CRPPA: variants seen among roughly 807,000 people sequenced by gnomAD.
The protein encoded by CRPPA is CDP-L-ribitol pyrophosphorylase A.
A neutral mutation model predicts 52.0 loss-of-function variants in CRPPA; 43 were observed. That is an observed-to-expected ratio of 0.83 (90% CI 0.65 to 1.07). CRPPA has a LOEUF of 1.07. Among genes scored for constraint, CRPPA ranks in the 50% least tolerant of loss-of-function variants. CRPPA has a pLI of 0.00. For missense variants in CRPPA, 629 were observed against 551.7 expected (o/e 1.14, Z -1.40); for synonymous variants, 250 against 203.5 (o/e 1.23, Z -1.94).
At chr7:16,140,383 T>C (rs1782847012) in intron 9 of CRPPA, among the ~76,000 whole-genome samples, 1 of 152,128 alleles carries the variant, frequency 6.6e-6, no homozygotes, top group East Asian at 1.9e-4. Context: ...CAGGCTGGTC[T>C]CAAACTCCTA....
chr7:16,120,992 TAAGAA>T (rs1274446042), intron 9 of CRPPA, among the ~76,000 whole-genome samples: 3 of 151,692 alleles, frequency 2.0e-5, no homozygotes, highest in African/African-American at 7.3e-5. Context: ...TCACTGATCT[TAAGAA>T]AAAAATGTAC....
At chr7:16,321,136 A>G (rs1049227427) in intron 3 of CRPPA, among the ~76,000 whole-genome samples, 1 of 152,128 alleles carries the variant, frequency 6.6e-6, no homozygotes, top group Non-Finnish European at 1.5e-5. Context: ...ACCCATATCT[A>G]TCAAACACTG....
rs56908194 is a variant in CRPPA, at chr7:16,254,792, G to GGAAAGAAAGAAAGAAAGAAA, written c.1119+3578_1119+3597dup. 4.9e-5 allele frequency among the ~76,000 whole-genome samples: 5 copies of GGAAAGAAAGAAAGAAAGAAA among 101,758 alleles called. No individual in the cohort carries two copies. The East Asian group carries it at 9.2e-4, about 19-fold the overall frequency. 66.8% of individuals were successfully genotyped at this position (101,758 alleles called of 152,430 possible). ...CACACAGAAAGAAAGAAAGAAAGAA[G>GGAAAGAAAGAAAGAAAGAAA]GAAAGAAAGAAAGAAAGAAAGAAAG... On this transcript the variant is annotated intron_variant, in intron 8 of 9. Transcript: ENST00000407010.
intron 3 of CRPPA, among the ~76,000 whole-genome samples, chr7:16,333,724 G>C (rs951387984): frequency 1.3e-4 from 20 of 152,264 alleles, no homozygotes; most frequent in African/African-American, 4.8e-4. Flanking sequence ...CAAGATGGCT[G>C]ATTAGAATTT....
intron 2 of CRPPA, among the ~76,000 whole-genome samples, chr7:16,403,149 C>G (rs1244590159): frequency 2.0e-5 from 3 of 151,964 alleles, no homozygotes; most frequent in African/African-American, 7.3e-5. Context: ...GGGAAAAAAA[C>G]AGTTGTAGAC....
intron 9 of CRPPA, among the ~76,000 whole-genome samples, chr7:16,186,690 A>G (rs1781510540): frequency 6.6e-6 from 1 of 152,234 alleles, no homozygotes. Context: ...TAGCCTCAGG[A>G]TATAGTACTA....
At chr7:16,169,851 G>A (rs186601796) in intron 9 of CRPPA, among the ~76,000 whole-genome samples, 1 of 152,204 alleles carries the variant, frequency 6.6e-6, no homozygotes, top group East Asian at 1.9e-4. Context: ...CTTAGATCCA[G>A]AAAACAAGAA....
At chr7:16,400,555 G>A (rs900426245) in intron 2 of CRPPA, among the ~76,000 whole-genome samples, 3 of 152,112 alleles carry the variant, frequency 2.0e-5, no homozygotes, top group African/African-American at 7.2e-5. Flanking sequence ...CGACACGATC[G>A]ACACTTGACT....
rs189957293 is a variant in CRPPA at position 16,339,789 on chromosome 7, T to C, written c.685-31162A>G. 2.6e-4 allele frequency among the ~76,000 whole-genome samples: 39 copies of C among 152,234 alleles called. No individual in the cohort carries two copies. The East Asian group carries it at 5.2e-3, about 20-fold the overall frequency. ...TCACTGTCTATGCAGAAAATGTAAATGCATCAACAAAAAGAACTGGAGTAA... is the reference window on the plus strand; with the variant it reads ...TCACTGTCTATGCAGAAAATGTAAACGCATCAACAAAAAGAACTGGAGTAA... On this transcript the variant is annotated intron_variant, in intron 3 of 9. Transcript: ENST00000407010.
chr7:16,405,986 T>A (rs576886224), intron 2 of CRPPA, 75 bp downstream of exon 2: 77 of 1,336,684 alleles, frequency 5.8e-5, no homozygotes, highest in Middle Eastern at 1.9e-4. Flanking sequence ...TTAAACAGAA[T>A]TGAATCAAAA....
At chr7:16,369,276 G>T (rs1337182447) in intron 3 of CRPPA, among the ~76,000 whole-genome samples, 2 of 152,218 alleles carry the variant, frequency 1.3e-5, no homozygotes, top group South Asian at 2.1e-4. Context: ...CAAGCAGGGG[G>T]TACATGACAG....
chr7:16,171,470 T>C (rs186274972), intron 9 of CRPPA, among the ~76,000 whole-genome samples: 43 of 152,322 alleles, frequency 2.8e-4, no homozygotes, highest in African/African-American at 1.0e-3. Context: ...GAACAAAGAA[T>C]GCATTTTCTC....
At chr7:16,398,102 ATGAC>A (rs1328449122) in intron 2 of CRPPA, among the ~76,000 whole-genome samples, 8 of 152,050 alleles carry the variant, frequency 5.3e-5, no homozygotes. Context: ...CATTATTGAC[ATGAC>A]TGACAGGTGA....
At chr7:16,100,820 T>C (rs762929980) in intron 9 of CRPPA, among the ~76,000 whole-genome samples, 9 of 152,170 alleles carry the variant, frequency 5.9e-5, no homozygotes, top group Non-Finnish European at 1.3e-4. Context: ...TTTTGAGATA[T>C]GTTCCATAAA....
chr7:16,104,202 A>G (rs908668834), intron 9 of CRPPA, among the ~76,000 whole-genome samples: 3 of 152,226 alleles, frequency 2.0e-5, no homozygotes, highest in African/African-American at 7.2e-5. Context: ...CTGCAAAAAT[A>G]CTTCTGTTCT....
chr7:16,337,030 T>C (rs1012765528), intron 3 of CRPPA, among the ~76,000 whole-genome samples: 1 of 152,160 alleles, frequency 6.6e-6, no homozygotes, highest in Non-Finnish European at 1.5e-5. Context: ...AATACTATAA[T>C]AGTAGGGGAC....
At chr7:16,146,581 G>T (rs920082982) in intron 9 of CRPPA, among the ~76,000 whole-genome samples, 2 of 152,036 alleles carry the variant, frequency 1.3e-5, no homozygotes, top group Non-Finnish European at 2.9e-5. Context: ...ATTTGTTAAT[G>T]GATACAATAT....
chr7:16,104,903 G>GAAAAAAAAAAAAAAAAAAAAAAAAA (rs541325740), intron 9 of CRPPA, among the ~76,000 whole-genome samples: 1 of 106,848 alleles, frequency 9.4e-6, no homozygotes, highest in African/African-American at 3.1e-5. Flanking sequence ...CCATCTCAAA[G>GAAAAAAAAAAAAAAAAAAAAAAAAA]AAAAAAAAAA....
chr7:16,237,028 T>C (rs1782971951), intron 8 of CRPPA, among the ~76,000 whole-genome samples: 1 of 152,070 alleles, frequency 6.6e-6, no homozygotes, highest in Admixed American at 6.6e-5. Flanking sequence ...AAATCTGGGA[T>C]CTTCATCTGC....
Sources: allele counts gnomAD v4.1 joint callset (sites outside exome capture counted in the v4.1 genomes callset), GRCh38; gene constraint gnomAD v4.1.1; transcripts MANE v1.5; gene names NCBI Gene and HGNC (gene_info 2026-07-23, HGNC 2026-07-21).